The following GARNL3 variants were observed in gnomAD, a reference collection of about 807,000 sequenced individuals.
GARNL3 encodes GTPase activating Rap/RanGAP domain like 3.
In GARNL3, 63 loss-of-function variants were observed where a neutral mutation model predicts 125.0. The observed-to-expected ratio is 0.50, with a 90% confidence interval of 0.41 to 0.62. The LOEUF (loss-of-function observed/expected upper bound fraction) is 0.62. Ranked by LOEUF, GARNL3 falls within the 20% of genes least tolerant of loss-of-function variation. GARNL3 has a pLI of 0.00. For missense variants in GARNL3, 994 were observed against 1,244.0 expected (o/e 0.80, Z 3.02); for synonymous variants, 439 against 457.5 (o/e 0.96, Z 0.52).
intron 1 of GARNL3, among the ~76,000 whole-genome samples, chr9:127,231,796 C>G (rs918880380): frequency 1.3e-5 from 2 of 152,184 alleles, no homozygotes; most frequent in African/African-American, 4.8e-5. Context: ...ATACAGTTCT[C>G]AAACAGAGCA....
At chr9:127,305,753 A>T (rs2064936789) in intron 2 of GARNL3, among the ~76,000 whole-genome samples, 1 of 151,232 alleles carries the variant, frequency 6.6e-6, no homozygotes, top group African/African-American at 2.4e-5. Context: ...TTATTTTTTA[A>T]TTTTATTTAT....
intron 2 of GARNL3, among the ~76,000 whole-genome samples, chr9:127,304,941 G>A (rs1198389412): frequency 6.6e-6 from 1 of 152,170 alleles, no homozygotes; most frequent in Non-Finnish European, 1.5e-5. Flanking sequence ...CTACTACATG[G>A]CCATGAGAAA....
At chr9:127,243,787 G>A (rs1025075900) in intron 2 of GARNL3, among the ~76,000 whole-genome samples, 5 of 152,070 alleles carry the variant, frequency 3.3e-5, no homozygotes, top group African/African-American at 4.8e-5. Flanking sequence ...AGGCCTATAG[G>A]GTGGTAACTG....
chr9:127,304,530 C>CTTTTTTTTTTTTT, intron 2 of GARNL3, among the ~76,000 whole-genome samples: 1 of 99,220 alleles, frequency 1.0e-5, no homozygotes, highest in Non-Finnish European at 1.9e-5. Context: ...TGGCTTTATT[C>CTTTTTTTTTTTTT]TTTTTTTTTT....
At chr9:127,366,147 A>G (rs1831277019) in intron 22 of GARNL3, among the ~76,000 whole-genome samples, 1 of 152,248 alleles carries the variant, frequency 6.6e-6, no homozygotes, top group African/African-American at 2.4e-5. Context: ...GATTTTATCA[A>G]TTTAGAGTGG....
chr9:127,265,349 A>G (rs1406479800), intron 1 of GARNL3, among the ~76,000 whole-genome samples: 1 of 152,168 alleles, frequency 6.6e-6, no homozygotes, highest in Non-Finnish European at 1.5e-5. Flanking sequence ...TTTTTCCTAA[A>G]AGTTTATAAA....
At chr9:127,245,204 T>G (rs1336345443) in intron 2 of GARNL3, 1 of 152,258 alleles carries the variant, frequency 6.6e-6, no homozygotes, top group Non-Finnish European at 1.5e-5. Flanking sequence ...AGGCCCGCAG[T>G]GCACCGCGCG....
Position 127,231,974 on chromosome 9 carries a change from G to C in GARNL3, c.-29+7636G>C, listed in dbSNP as rs907255091. Among the ~76,000 whole-genome samples the C allele has an allele frequency of 3.9e-5, 6 of 152,230 alleles. 1 individual carries two copies. Among genetic ancestry groups the C allele is most frequent in the Admixed American group, 3.3e-4 (5 of 15,290 alleles). ...ACAGTACTTCAAAAACCAACCCTCT[G>C]AGTAATACCAGAATCTTTCCTGCAA... On this transcript the variant is annotated intron_variant, in intron 1 of 10. Coordinates refer to the GARNL3 transcript ENST00000439286.
At chr9:127,282,633 ATAT>A (rs2064133543) in intron 1 of GARNL3, among the ~76,000 whole-genome samples, 2 of 152,208 alleles carry the variant, frequency 1.3e-5, no homozygotes, top group South Asian at 4.1e-4. Flanking sequence ...AAAATATTAC[ATAT>A]TATGCTTAAG....
intron 2 of GARNL3, among the ~76,000 whole-genome samples, chr9:127,248,489 ACTTGTG>A (rs1365959128): frequency 1.3e-5 from 2 of 151,766 alleles, no homozygotes; most frequent in Admixed American, 6.6e-5. Context: ...CAGGGTGTAA[ACTTGTG>A]GGAAGTAGTA....
rs372778647 is a variant in GARNL3 at position 127,355,403 on chromosome 9, C to T, written c.1866C>T (p.Ser622=). The change falls in exon 20 of 28, where the codon AGC becomes AGT. Residue 622 remains serine (S), a synonymous_variant. Coordinates refer to ENST00000373387, the MANE Select transcript of GARNL3 (RefSeq NM_032293.5). ...TCACAAGAAAACACAACAAGCCAAG[C>T]GGGGTCACCAGCACCTCATTGTTAT... ...LLITRKHNKP[S]GVTSTSLLSP... is the part of the protein sequence containing the mutation. 3.1e-6 allele frequency: 5 copies of T among 1,614,194 alleles called. No individual in the cohort carries two copies. The highest frequency in any genetic ancestry group is 1.7e-5 in the Admixed American group (1 of 60,030).
chr9:127,393,229 A>T lies in GARNL3; in HGVS notation c.3017A>T (p.Asp1006Val). 2 of 1,613,332 alleles carry T rather than the reference A, an allele frequency of 1.2e-6. No homozygotes were observed. The highest frequency in any genetic ancestry group is 1.7e-6 in the Non-Finnish European group (2 of 1,179,312). The change falls in exon 28 of 28, where the codon GAT becomes GTT. Residue 1006 changes from aspartate (D) to valine (V), a missense_variant. By Grantham distance (152) the Asp-to-Val change is radical. Coordinates refer to ENST00000373387, the MANE Select transcript of GARNL3 (RefSeq NM_032293.5). The part of the protein sequence containing the change: ...SSPFQLTAFS[D>V]EDIIDLK ...CCCTTCCAGCTCACGGCTTTCTCCG[A>T]TGAAGACATTATAGACTTGAAGTAA...
chr9:127,328,417 G>A (rs1829018220), intron 7 of GARNL3, among the ~76,000 whole-genome samples: 1 of 152,130 alleles, frequency 6.6e-6, no homozygotes, highest in Admixed American at 6.5e-5. Context: ...ACTATTAGCT[G>A]CAAAGATGGG....
intron 22 of GARNL3, among the ~76,000 whole-genome samples, chr9:127,378,130 A>G (rs1832027349): frequency 6.6e-6 from 1 of 151,608 alleles, no homozygotes; most frequent in African/African-American, 2.4e-5. Flanking sequence ...AATCCCAGCT[A>G]CTCAGGAGGC....
intron 22 of GARNL3, among the ~76,000 whole-genome samples, chr9:127,375,988 C>G (rs908727400): frequency 6.6e-6 from 1 of 152,164 alleles, no homozygotes; most frequent in Admixed American, 6.5e-5. Context: ...GAGACAGAGT[C>G]TTACTCTGTC....
chr9:127,286,699 C>A (rs1279860828), intron 1 of GARNL3, among the ~76,000 whole-genome samples: 3 of 152,100 alleles, frequency 2.0e-5, no homozygotes, highest in African/African-American at 7.2e-5. Flanking sequence ...CAAATTATTA[C>A]CATAATTGGA....
In GARNL3 at chr9:127,393,215, C is replaced by T. The variant is rs753082802; in HGVS notation, c.3003C>T (p.Leu1001=). Residue 1001 remains leucine, a synonymous_variant, in exon 28 of 28, where the codon CTC becomes CTT. Transcript: ENST00000373387. ...TCTCCGGCAGCAGCCCCTTCCAGCT[C>T]ACGGCTTTCTCCGATGAAGACATTA... is the stretch of plus-strand genomic sequence containing the variant. ...SPVSGSSPFQ[L]TAFSDEDIID... 8.1e-6 allele frequency: 13 copies of T among 1,613,488 alleles called. No individual in the cohort carries two copies. In the South Asian group the frequency reaches 1.3e-4, roughly 16 times the overall value.
chr9:127,332,800 T>G (rs1304755504), intron 8 of GARNL3, among the ~76,000 whole-genome samples: 1 of 152,236 alleles, frequency 6.6e-6, no homozygotes, highest in African/African-American at 2.4e-5. Context: ...CTGGCAGTAG[T>G]AAGCTGGGTT....
upstream of GARNL3, chr9:127,263,667 AAGCAAGAATGT>A: frequency 9.3e-7 from 1 of 1,077,598 alleles, no homozygotes; most frequent in Non-Finnish European, 1.1e-6. Context: ...ATATCACTAG[AAGCAAGAATGT>A]AGCCTGGGTA....
Sources: gnomAD v4.1 joint callset for allele counts (sites outside exome capture counted in the v4.1 genomes callset) on GRCh38, gnomAD v4.1.1 for gene constraint, MANE v1.5 for transcripts, NCBI Gene and HGNC (gene_info 2026-07-23, HGNC 2026-07-21) for gene names.